The following GRID2 variants were observed in gnomAD, a reference collection of about 807,000 sequenced individuals.
GRID2 encodes the protein glutamate receptor ionotropic, delta-2.
GRID2 carries 33 observed loss-of-function variants against 114.8 expected under a neutral mutation model. That is an observed-to-expected ratio of 0.29 (90% CI 0.22 to 0.38). The LOEUF (loss-of-function observed/expected upper bound fraction) is 0.38. Among genes scored for constraint, GRID2 ranks in the 10% least tolerant of loss-of-function variants. The pLI is 1.00. For missense variants in GRID2, 1,184 were observed against 1,257.7 expected (o/e 0.94, Z 0.89); for synonymous variants, 505 against 449.9 (o/e 1.12, Z -1.55).
chr4:93,300,562 G>A (rs1038821249), intron 8 of GRID2, among the ~76,000 whole-genome samples: 2 of 152,126 alleles, frequency 1.3e-5, no homozygotes, highest in African/African-American at 4.8e-5. Context: ...TCAACATAGT[G>A]AAGGCAAATA....
chr4:92,916,065 T>C (rs553975967), intron 2 of GRID2, among the ~76,000 whole-genome samples: 9 of 152,302 alleles, frequency 5.9e-5, no homozygotes, highest in South Asian at 2.1e-4. Context: ...GTAAACTCTT[T>C]AGTGTAATTA....
intron 1 of GRID2, among the ~76,000 whole-genome samples, chr4:92,582,792 C>T (rs918912568): frequency 2.6e-5 from 4 of 151,680 alleles, no homozygotes; most frequent in Admixed American, 2.6e-4. Flanking sequence ...TCGAGATAAG[C>T]CTGGGCAACA....
intron 2 of GRID2, among the ~76,000 whole-genome samples, chr4:92,809,478 G>A (rs932032768): frequency 1.2e-4 from 18 of 151,888 alleles, no homozygotes; most frequent in African/African-American, 2.9e-4. Context: ...GTGAATATAC[G>A]TTTAATATTT....
intron 13 of GRID2, among the ~76,000 whole-genome samples, chr4:93,558,180 A>G (rs1422568527): frequency 6.6e-6 from 1 of 152,198 alleles, no homozygotes; most frequent in African/African-American, 2.4e-5. Context: ...TAAAAGAACT[A>G]GAGAGGCAAG....
intron 2 of GRID2, among the ~76,000 whole-genome samples, chr4:92,614,906 A>G (rs1342630986): frequency 6.8e-6 from 1 of 147,614 alleles, no homozygotes; most frequent in Non-Finnish European, 1.5e-5. Flanking sequence ...GAATTATTAT[A>G]TTTTACTGAT....
At chr4:92,802,129 T>C (rs1002081134) in intron 2 of GRID2, among the ~76,000 whole-genome samples, 1 of 151,918 alleles carries the variant, frequency 6.6e-6, no homozygotes, top group South Asian at 2.1e-4. Context: ...AAAATACATA[T>C]ACAATATTTT....
chr4:93,713,495 T>C (rs939503968), intron 14 of GRID2, among the ~76,000 whole-genome samples: 1 of 152,032 alleles, frequency 6.6e-6, no homozygotes, highest in Non-Finnish European at 1.5e-5. Context: ...CTATTTCCCA[T>C]TGATTATTCT....
At chr4:92,628,854 G>A (rs938116288) in intron 2 of GRID2, among the ~76,000 whole-genome samples, 2 of 151,848 alleles carry the variant, frequency 1.3e-5, no homozygotes, top group Admixed American at 6.6e-5. Flanking sequence ...GATTCCTGTC[G>A]TCTCCAAATC....
intron 9 of GRID2, among the ~76,000 whole-genome samples, chr4:93,399,178 G>A (rs1022470012): frequency 3.3e-5 from 5 of 151,932 alleles, no homozygotes; most frequent in African/African-American, 1.2e-4. Context: ...AAGAGAAAAG[G>A]GAAAGGACCA....
intron 13 of GRID2, among the ~76,000 whole-genome samples, chr4:93,578,066 G>A (rs558956755): frequency 5.3e-5 from 8 of 152,152 alleles, no homozygotes; most frequent in Non-Finnish European, 1.0e-4. Context: ...CCACTGTTGA[G>A]AACTTCTTTC....
intron 2 of GRID2, among the ~76,000 whole-genome samples, chr4:92,872,332 C>A (rs1260684153): frequency 6.6e-6 from 1 of 151,978 alleles, no homozygotes; most frequent in Non-Finnish European, 1.5e-5. Flanking sequence ...AAACTGAAAA[C>A]TTTCCAATTT....
intron 1 of GRID2, among the ~76,000 whole-genome samples, chr4:92,581,738 G>A (rs1579623443): frequency 6.6e-6 from 1 of 152,132 alleles, no homozygotes; most frequent in African/African-American, 2.4e-5. Context: ...CTCATTTTAA[G>A]TCACTATATC....
intron 11 of GRID2, among the ~76,000 whole-genome samples, chr4:93,482,387 G>T (rs1483516626): frequency 6.6e-6 from 1 of 151,950 alleles, no homozygotes; most frequent in East Asian, 1.9e-4. Context: ...TCCTTTGCAA[G>T]GACATGGATG....
chr4:92,687,493 A>C (rs1326868167), intron 2 of GRID2, among the ~76,000 whole-genome samples: 1 of 152,136 alleles, frequency 6.6e-6, no homozygotes. Context: ...TTAAGTGTGC[A>C]CTAGCATTGT....
intron 2 of GRID2, among the ~76,000 whole-genome samples, chr4:92,864,488 T>C (rs539316684): frequency 1.3e-5 from 2 of 152,292 alleles, no homozygotes; most frequent in East Asian, 3.9e-4. Flanking sequence ...GAAGGATAAC[T>C]CATGCAGGTC....
At chr4:92,362,694 G>A (rs984206613) in intron 1 of GRID2, among the ~76,000 whole-genome samples, 19 of 151,838 alleles carry the variant, frequency 1.3e-4, no homozygotes, top group Admixed American at 6.6e-5. Context: ...AGTTAAAAAG[G>A]ATATTTTTTG....
chr4:92,627,648 A>T (rs983044041), intron 2 of GRID2, among the ~76,000 whole-genome samples: 1 of 152,132 alleles, frequency 6.6e-6, no homozygotes, highest in Non-Finnish European at 1.5e-5. Flanking sequence ...CTAATTCTTT[A>T]TACAATAAAA....
chr4:93,593,195 G>T (rs1578343472), intron 13 of GRID2, among the ~76,000 whole-genome samples: 1 of 148,484 alleles, frequency 6.7e-6, no homozygotes, highest in South Asian at 2.2e-4. Context: ...GCTGGTACCG[G>T]TTGTTCCTTT....
chr4:93,696,940 A>T (rs879272364), intron 14 of GRID2, among the ~76,000 whole-genome samples: 2 of 152,234 alleles, frequency 1.3e-5, no homozygotes, highest in Non-Finnish European at 2.9e-5. Flanking sequence ...CATTATAGAT[A>T]TTCAACAATG....
Sources: gnomAD v4.1 joint callset for allele counts (sites outside exome capture counted in the v4.1 genomes callset) on GRCh38, gnomAD v4.1.1 for gene constraint, MANE v1.5 for transcripts, NCBI Gene and HGNC (gene_info 2026-07-23, HGNC 2026-07-21) for gene names.